VWC2L: variants seen among roughly 807,000 people sequenced by gnomAD.
VWC2L encodes the protein von Willebrand factor C domain containing 2 like, also known as von Willebrand factor C domain-containing protein 2-like.
VWC2L carries 10 observed loss-of-function variants against 21.6 expected under a neutral mutation model. The observed-to-expected ratio is 0.46, with a 90% confidence interval of 0.29 to 0.78. The LOEUF (loss-of-function observed/expected upper bound fraction) is 0.78, where lower values mean the gene tolerates loss of function less well. Among genes scored for constraint, VWC2L ranks in the 30% least tolerant of loss-of-function variants. VWC2L has a pLI of 0.10. For missense variants in VWC2L, 209 were observed against 277.1 expected (o/e 0.75, Z 1.74); for synonymous variants, 96 against 94.3 (o/e 1.02, Z -0.10).
At chr2:214,525,213 CAG>C (rs1689313698) in intron 3 of VWC2L, 1 of 152,200 alleles carries the variant, frequency 6.6e-6, no homozygotes, top group African/African-American at 2.4e-5. Flanking sequence ...CCTTGAGGGT[CAG>C]AGATTTTTTT....
chr2:214,492,878 T>C (rs1175304768), intron 3 of VWC2L, among the ~76,000 whole-genome samples: 1 of 152,160 alleles, frequency 6.6e-6, no homozygotes, highest in Non-Finnish European at 1.5e-5. Context: ...TCACAGTACA[T>C]AAAGGATGTG....
chr2:214,535,223 T>A (rs1445188565), intron 3 of VWC2L, among the ~76,000 whole-genome samples: 1 of 152,142 alleles, frequency 6.6e-6, no homozygotes, highest in African/African-American at 2.4e-5. Context: ...TTTAAAACTG[T>A]GTTTCCTATA....
intron 2 of VWC2L, among the ~76,000 whole-genome samples, chr2:214,432,337 A>C (rs1702612341): frequency 6.6e-6 from 1 of 152,200 alleles, no homozygotes; most frequent in African/African-American, 2.4e-5. Context: ...AATGTAAAGA[A>C]ATCAGTAAGA....
At chr2:214,536,129 G>A (rs1208390006) in intron 3 of VWC2L, among the ~76,000 whole-genome samples, 1 of 152,064 alleles carries the variant, frequency 6.6e-6, no homozygotes, top group East Asian at 1.9e-4. Context: ...ATATTGCATG[G>A]CACATAGTAA....
intron 3 of VWC2L, among the ~76,000 whole-genome samples, chr2:214,561,670 G>T (rs1193214083): frequency 1.3e-5 from 2 of 151,492 alleles, no homozygotes; most frequent in African/African-American, 4.9e-5. Context: ...AGCTACTCAG[G>T]AGGCTGAACT....
intron 3 of VWC2L, among the ~76,000 whole-genome samples, chr2:214,555,456 C>T (rs1689859554): frequency 6.6e-6 from 1 of 152,098 alleles, no homozygotes; most frequent in South Asian, 2.1e-4. Context: ...CAATAAAGGC[C>T]ATTGAGAGCT....
chr2:214,434,814 C>A (rs1055921016), intron 2 of VWC2L, among the ~76,000 whole-genome samples: 3 of 152,134 alleles, frequency 2.0e-5, no homozygotes, highest in African/African-American at 7.2e-5. Flanking sequence ...AAACATTTTG[C>A]ATTTGAAAAT....
intron 3 of VWC2L, among the ~76,000 whole-genome samples, chr2:214,445,573 A>T (rs146024058): frequency 3.3e-5 from 5 of 151,690 alleles, no homozygotes; most frequent in Admixed American, 3.3e-4. Flanking sequence ...TATTTTTACT[A>T]AAAAGAAAAT....
intron 3 of VWC2L, among the ~76,000 whole-genome samples, chr2:214,454,062 TCTGA>T (rs1016739528): frequency 2.4e-4 from 37 of 152,250 alleles, no homozygotes; most frequent in African/African-American, 8.7e-4. Context: ...TTAAAGATTT[TCTGA>T]CTATTTGATA....
chr2:214,547,956 C>T (rs150410813), intron 3 of VWC2L, among the ~76,000 whole-genome samples: 6 of 152,338 alleles, frequency 3.9e-5, no homozygotes, highest in Non-Finnish European at 8.8e-5. Context: ...GAAGGTTTGC[C>T]TCTAACTGTA....
intron 3 of VWC2L, among the ~76,000 whole-genome samples, chr2:214,458,915 G>A (rs1302596537): frequency 6.6e-6 from 1 of 152,124 alleles, no homozygotes; most frequent in Non-Finnish European, 1.5e-5. Context: ...AAAATATTCT[G>A]TAAATGTCTG....
At chr2:214,450,631 G>A (rs1702939584) in intron 3 of VWC2L, among the ~76,000 whole-genome samples, 2 of 152,176 alleles carry the variant, frequency 1.3e-5, no homozygotes, top group South Asian at 4.1e-4. Context: ...GCAAACCCTG[G>A]ATGACAGGGA....
chr2:214,419,435 T>A (rs1433815530), intron 2 of VWC2L, among the ~76,000 whole-genome samples: 1 of 152,234 alleles, frequency 6.6e-6, no homozygotes, highest in Non-Finnish European at 1.5e-5. Context: ...ATAACTCTGA[T>A]TCTGCTAGAA....
chr2:214,575,176 G>A (rs1690210168), intron 3 of VWC2L, among the ~76,000 whole-genome samples: 1 of 152,108 alleles, frequency 6.6e-6, no homozygotes, highest in African/African-American at 2.4e-5. Flanking sequence ...GAAACAAGCT[G>A]GGGATTCCAG....
chr2:214,573,956 C>A (rs1179701815), intron 3 of VWC2L, among the ~76,000 whole-genome samples: 1 of 152,186 alleles, frequency 6.6e-6, no homozygotes, highest in Non-Finnish European at 1.5e-5. Flanking sequence ...GTCTGCCCAA[C>A]ATGGTGAAAC....
intron 3 of VWC2L, among the ~76,000 whole-genome samples, chr2:214,561,921 G>A (rs1689981479): frequency 6.6e-6 from 1 of 150,996 alleles, no homozygotes; most frequent in South Asian, 2.1e-4. Flanking sequence ...AAAAATTAAT[G>A]AGCTATTTTA....
intron 3 of VWC2L, among the ~76,000 whole-genome samples, chr2:214,444,095 G>C (rs1209009562): frequency 6.6e-6 from 1 of 151,948 alleles, no homozygotes; most frequent in Admixed American, 6.6e-5. Flanking sequence ...ATGATGCAGA[G>C]GTATCAATAA....
chr2:214,489,694 T>G (rs1038626280), intron 3 of VWC2L, among the ~76,000 whole-genome samples: 2 of 152,156 alleles, frequency 1.3e-5, no homozygotes, highest in Non-Finnish European at 2.9e-5. Flanking sequence ...GACCACAAAT[T>G]AGGGCAAGTA....
chr2:214,453,574 A>G (rs1340439801), intron 3 of VWC2L, among the ~76,000 whole-genome samples: 1 of 152,194 alleles, frequency 6.6e-6, no homozygotes, highest in East Asian at 1.9e-4. Context: ...GAAAATTAGC[A>G]TCTTAACAAT....
Sources: allele counts gnomAD v4.1 joint callset (sites outside exome capture counted in the v4.1 genomes callset), GRCh38; gene constraint gnomAD v4.1.1; transcripts MANE v1.5; gene names NCBI Gene and HGNC (gene_info 2026-07-23, HGNC 2026-07-21).